The following PDE11A variants were observed in gnomAD, a reference collection of about 807,000 sequenced individuals.
PDE11A encodes the protein phosphodiesterase 11A.
In PDE11A, 100 loss-of-function variants were observed where a neutral mutation model predicts 100.5. The observed-to-expected ratio is 1.00, with a 90% confidence interval of 0.85 to 1.18. The LOEUF (loss-of-function observed/expected upper bound fraction) is 1.18, where lower values mean the gene tolerates loss of function less well. Among genes scored for constraint, PDE11A ranks in the 50% most tolerant of loss-of-function variants. The probability of loss-of-function intolerance (pLI) is 0.00; values close to 1 mark genes in which losing one functional copy is unlikely to be tolerated. For synonymous variants in PDE11A, 381 were observed against 420.8 expected, an observed-to-expected ratio of 0.91 and a Z score of 1.16; for missense variants, 1,141 against 1,152.6, an observed-to-expected ratio of 0.99 and a Z score of 0.15.
chr2:177,888,631 G>A (rs2084479355), intron 4 of PDE11A: 3 of 771,270 alleles, frequency 3.9e-6, no homozygotes, highest in Non-Finnish European at 4.7e-6. Context: ...GTTGAGAGAG[G>A]CAATCCACAA....
chr2:178,068,365 T>C (rs2087077422), intron 1 of PDE11A, among the ~76,000 whole-genome samples: 1 of 152,162 alleles, frequency 6.6e-6, no homozygotes. Flanking sequence ...TATTCAATTT[T>C]AGCATTTCAT....
At chr2:177,816,417 G>T (rs2105579107) in intron 9 of PDE11A, among the ~76,000 whole-genome samples, 1 of 151,868 alleles carries the variant, frequency 6.6e-6, no homozygotes, top group South Asian at 2.1e-4. Context: ...ATAATGACAG[G>T]AGTAGCTTTC....
At chr2:178,027,711 G>A (rs1332171620) in intron 1 of PDE11A, among the ~76,000 whole-genome samples, 1 of 152,030 alleles carries the variant, frequency 6.6e-6, no homozygotes, top group African/African-American at 2.4e-5. Context: ...GGAACTTGGT[G>A]GTATTGCCTG....
Position 178,072,691 on chromosome 2 carries a change from G to A in PDE11A, c.-254C>T. On this transcript the variant is annotated 5_prime_UTR_variant, in exon 1 of 20. Transcript: ENST00000286063. ...AGGTGCCCAGCACTGAGCTGCCGCC[G>A]CTGCCCCGGCTCCTGTTCCGGAAAC... 7.1e-7 allele frequency: 1 copy of A among 1,403,656 alleles called. No individual in the cohort carries two copies. The highest frequency in any genetic ancestry group is 1.4e-5 in the African/African-American group (1 of 69,192). The allele number at this position is 1,403,656 out of a possible 1,614,324, so 87.0% of individuals were successfully genotyped here. A position where few individuals can be genotyped will look rare whatever the true frequency, so the allele number is the denominator to read the frequency against.
chr2:177,950,050 C>G (rs1300448937), intron 2 of PDE11A, among the ~76,000 whole-genome samples: 1 of 152,182 alleles, frequency 6.6e-6, no homozygotes, highest in Admixed American at 6.5e-5. Context: ...GATACGTGAT[C>G]TACGTGATTC....
In PDE11A at chr2:177,628,707, C is replaced by T. The variant is rs2079871415; in HGVS notation, c.*700G>A. ...CATTCCTTCTGGGAGAAAACTTTGTCTGTAATGAAGGTTGAATTTTAAAAC... is the reference window on the plus strand; with the variant it reads ...CATTCCTTCTGGGAGAAAACTTTGTTTGTAATGAAGGTTGAATTTTAAAAC... On this transcript the variant is annotated 3_prime_UTR_variant, in exon 20 of 20. Coordinates refer to ENST00000286063, the MANE Select transcript of PDE11A (RefSeq NM_016953.4). The T allele has an allele frequency of 6.6e-6, 1 of 152,438 alleles. No homozygotes were observed. The highest frequency in any genetic ancestry group is 1.9e-4 in the East Asian group (1 of 5,188). The allele number at this position is 152,438 out of a possible 1,614,324, so 9.4% of individuals were successfully genotyped here.
chr2:177,663,835 A>G, intron 19 of PDE11A, 31 bp downstream of exon 19: 1 of 1,206,644 alleles, frequency 8.3e-7, no homozygotes, highest in East Asian at 2.3e-5. Context: ...TGATTCAGTC[A>G]GAACATGTAG....
At chr2:177,779,266 T>A (rs1439917395) in intron 9 of PDE11A, among the ~76,000 whole-genome samples, 1 of 152,232 alleles carries the variant, frequency 6.6e-6, no homozygotes, top group Non-Finnish European at 1.5e-5. Context: ...GTAATATTTT[T>A]GCTGGTGGAG....
chr2:177,814,758 G>A (rs1042829347), intron 9 of PDE11A, among the ~76,000 whole-genome samples: 1 of 152,166 alleles, frequency 6.6e-6, no homozygotes, highest in Non-Finnish European at 1.5e-5. Context: ...ACTGAAATAA[G>A]CAATTCATGG....
At chr2:177,699,543 C>A (rs1054361102) in intron 14 of PDE11A, among the ~76,000 whole-genome samples, 1 of 152,112 alleles carries the variant, frequency 6.6e-6, no homozygotes, top group Non-Finnish European at 1.5e-5. Context: ...TGTGCCTTAA[C>A]GTTTTGGTCC....
rs145103809 is a variant in PDE11A, at chr2:177,929,323, T to G, written c.1072-24136A>C. Among the ~76,000 whole-genome samples the G allele has an allele frequency of 3.0e-4, 45 of 152,346 alleles. No individual in the cohort carries two copies. The East Asian group carries it at 8.7e-3, about 29-fold the overall frequency. ...ACCATATTTTGAGATACCACTTTTTTGTTAGCTGAGAATCTCCATTTGCTG... is the reference window on the plus strand; with the variant it reads ...ACCATATTTTGAGATACCACTTTTTGGTTAGCTGAGAATCTCCATTTGCTG... On this transcript the variant is annotated intron_variant, in intron 2 of 19. Transcript: ENST00000286063.
At chr2:177,734,438 A>G (rs2081743005) in intron 10 of PDE11A, among the ~76,000 whole-genome samples, 1 of 152,208 alleles carries the variant, frequency 6.6e-6, no homozygotes, top group African/African-American at 2.4e-5. Flanking sequence ...GCTGCAATAC[A>G]CTATGATCGC....
At chr2:177,649,711 G>C (rs13008833) in intron 19 of PDE11A, among the ~76,000 whole-genome samples, 93,750 of 152,084 alleles carry the variant, frequency 0.62, 32,696 homozygotes, top group Non-Finnish European at 0.75. Flanking sequence ...AGAAGCATAC[G>C]CAGGAATTGG....
At chr2:177,941,145 G>A (rs946037517) in intron 2 of PDE11A, among the ~76,000 whole-genome samples, 1 of 152,132 alleles carries the variant, frequency 6.6e-6, no homozygotes, top group Non-Finnish European at 1.5e-5. Context: ...TTTGAATAGA[G>A]TATCTCATTT....
At chr2:177,854,189 G>A (rs1465460348) in intron 5 of PDE11A, among the ~76,000 whole-genome samples, 3 of 151,742 alleles carry the variant, frequency 2.0e-5, no homozygotes, top group Non-Finnish European at 4.4e-5. Flanking sequence ...TATTCACATG[G>A]CTTATTATCA....
intron 2 of PDE11A, among the ~76,000 whole-genome samples, chr2:177,962,603 G>C (rs1174872044): frequency 7.9e-5 from 12 of 152,070 alleles, no homozygotes; most frequent in Non-Finnish European, 1.8e-4. Flanking sequence ...TAACTGATGT[G>C]CCTTGCTTTA....
At chr2:177,845,345 C>G (rs2083571318) in intron 5 of PDE11A, among the ~76,000 whole-genome samples, 1 of 150,928 alleles carries the variant, frequency 6.6e-6, no homozygotes, top group South Asian at 2.1e-4. Flanking sequence ...CTCCTCACCT[C>G]CCAGATGGGG....
chr2:178,019,515 C>T lies in PDE11A; in HGVS notation c.913-5055G>A, dbSNP rs189002344. On this transcript the variant is annotated intron_variant, in intron 1 of 19. Coordinates refer to ENST00000286063, the MANE Select transcript of PDE11A (RefSeq NM_016953.4). ...AAAATGCTATATAATAAAACATATT[C>T]GACTCTTTTATGTAAAAAAAGCCCA... Among the ~76,000 whole-genome samples the T allele has an allele frequency of 3.1e-3, 468 of 151,996 alleles. 1 individual carries two copies. Among genetic ancestry groups the T allele is most frequent in the Non-Finnish European group, 4.3e-3 (295 of 67,972 alleles).
chr2:178,104,318 C>A (rs745876125), exon 2 of PDE11A: 1 of 1,613,930 alleles, frequency 6.2e-7, no homozygotes. Context: ...TTTTGTTTGC[C>A]TCTGTATAAG....
Sources: allele counts gnomAD v4.1 joint callset (sites outside exome capture counted in the v4.1 genomes callset), GRCh38; gene constraint gnomAD v4.1.1; transcripts MANE v1.5; gene names NCBI Gene and HGNC (gene_info 2026-07-23, HGNC 2026-07-21).